RLF: variants seen among roughly 807,000 people sequenced by gnomAD.
RLF encodes RLF zinc finger, also known as zinc finger protein Rlf.
A neutral mutation model predicts 162.9 loss-of-function variants in RLF; 7 were observed. That is an observed-to-expected ratio of 0.04 (90% CI 0.02 to 0.08). RLF has a LOEUF of 0.08. Ranked by LOEUF, RLF falls within the 10% of genes least tolerant of loss-of-function variation. The probability of loss-of-function intolerance (pLI) is 1.00; values close to 1 mark genes in which losing one functional copy is unlikely to be tolerated. For synonymous variants in RLF, 782 were observed against 791.5 expected (o/e 0.99, Z 0.20); for missense variants, 1,664 against 2,244.7 (o/e 0.74, Z 5.23).
chr1:40,188,932 G>A, intron 1 of RLF, 123 bp from the exon 2 acceptor site: 1 of 544,372 alleles, frequency 1.8e-6, no homozygotes. Flanking sequence ...AGCCTTAAAA[G>A]GCAAATAAAA....
At chr1:40,224,334 A>T (rs1198106598) in intron 6 of RLF, among the ~76,000 whole-genome samples, 5 of 146,836 alleles carry the variant, frequency 3.4e-5, no homozygotes, top group Non-Finnish European at 6.0e-5. Flanking sequence ...TTTGAGACGA[A>T]GTCTTGCTCT....
chr1:40,162,634 G>A (rs772595301), intron 1 of RLF, among the ~76,000 whole-genome samples: 10 of 152,116 alleles, frequency 6.6e-5, no homozygotes, highest in Non-Finnish European at 1.3e-4. Flanking sequence ...ATTTTGGGGG[G>A]CAATTTGCTC....
chr1:40,166,012 A>C (rs1298480866), intron 1 of RLF, among the ~76,000 whole-genome samples: 1 of 152,174 alleles, frequency 6.6e-6, no homozygotes. Flanking sequence ...ATGGTCTTTC[A>C]GCTTTTTCTG....
chr1:40,222,859 TATC>T (rs1643017150), intron 6 of RLF, 149 bp downstream of exon 6: 1 of 648,030 alleles, frequency 1.5e-6, no homozygotes, highest in Non-Finnish European at 2.5e-6. Context: ...TAATTAAAAA[TATC>T]ATTGGTTTAA....
intron 1 of RLF, among the ~76,000 whole-genome samples, chr1:40,185,015 C>A (rs1479102875): frequency 6.6e-6 from 1 of 151,992 alleles, no homozygotes; most frequent in Non-Finnish European, 1.5e-5. Flanking sequence ...GGTGGGAGGA[C>A]CACTTGAGGC....
intron 5 of RLF, among the ~76,000 whole-genome samples, chr1:40,204,192 A>AT (rs1349215163): frequency 6.6e-6 from 1 of 151,386 alleles, no homozygotes; most frequent in Non-Finnish European, 1.5e-5. Flanking sequence ...ATTTTTTTGT[A>AT]TTTTTGTAGA....
intron 5 of RLF, among the ~76,000 whole-genome samples, chr1:40,214,918 C>CAAAAAAAAAAAAAAAA (rs34756935): frequency 6.9e-5 from 1 of 14,394 alleles, no homozygotes; most frequent in East Asian, 2.7e-3. Flanking sequence ...GAGCCTGTCT[C>CAAAAAAAAAAAAAAAA]AAAAAAAAAA....
In RLF at chr1:40,221,046, C is replaced by T. The variant is rs545354550; in HGVS notation, c.811-1528C>T. ...CCTTGAGAAACTGAGGCAGGAGGATCGCTTGAGCCCAGAAGTATGGAAACT... is the reference window on the plus strand; with the variant it reads ...CCTTGAGAAACTGAGGCAGGAGGATTGCTTGAGCCCAGAAGTATGGAAACT... On this transcript the variant is annotated intron_variant, in intron 5 of 7. Coordinates refer to ENST00000372771, the MANE Select transcript of RLF (RefSeq NM_012421.4). Among the ~76,000 whole-genome samples, 7 of 150,986 alleles carry T rather than the reference C, an allele frequency of 4.6e-5. No individual in the cohort carries two copies. The South Asian group carries it at 6.3e-4, about 14-fold the overall frequency.
At position 40,161,473 on chromosome 1, in the gene RLF, G is replaced by A. The variant is rs1295865757; in HGVS notation, c.74G>A (p.Gly25Glu). ...GAEAPAVAGA[G>E]DGVETESMVR... ...GAGGCTCCGGCGGTAGCGGGAGCCGGAGATGGAGTCGAGACTGAGTCCATG... is the reference window on the plus strand; with the variant it reads ...GAGGCTCCGGCGGTAGCGGGAGCCGAAGATGGAGTCGAGACTGAGTCCATG... Residue 25 changes from glycine to glutamate, a missense_variant, in exon 1 of 8, where the codon GGA becomes GAA. This residue lies in a region of RLF where 134 missense variants were observed against 124.3 expected (regional missense o/e 1.08). Transcript: ENST00000372771. The surrounding 1 kb of genome is among the most constrained non-coding windows in gnomAD (Gnocchi z 4.4). 3 of 1,581,464 alleles carry A rather than the reference G, an allele frequency of 1.9e-6. No homozygotes were observed. In the South Asian group the frequency reaches 3.4e-5, roughly 18 times the overall value.
At chr1:40,225,158 A>G (rs1281224900) in intron 6 of RLF, among the ~76,000 whole-genome samples, 2 of 152,176 alleles carry the variant, frequency 1.3e-5, no homozygotes, top group African/African-American at 4.8e-5. Flanking sequence ...TTTAAATGTG[A>G]CAATAAAGTT....
intron 1 of RLF, among the ~76,000 whole-genome samples, chr1:40,163,933 G>A (rs1642131564): frequency 6.6e-6 from 1 of 152,114 alleles, no homozygotes; most frequent in Non-Finnish European, 1.5e-5. Context: ...ACCAGATAGA[G>A]AAAAAGTAAA....
intron 1 of RLF, among the ~76,000 whole-genome samples, chr1:40,178,635 T>TG (rs1453270101): frequency 1.2e-4 from 17 of 147,824 alleles, no homozygotes; most frequent in African/African-American, 3.5e-4. Flanking sequence ...TTTTTTTGTT[T>TG]TTTTTTTTTT....
chr1:40,213,516 T>A (rs1642888852), intron 5 of RLF, among the ~76,000 whole-genome samples: 1 of 152,226 alleles, frequency 6.6e-6, no homozygotes, highest in African/African-American at 2.4e-5. Context: ...CTCATGTTTT[T>A]AAAACTGGTC....
chr1:40,228,430 A>T lies in RLF; in HGVS notation c.948-3087A>T, dbSNP rs189755685. Among the ~76,000 whole-genome samples, 635 of 150,888 alleles carry T rather than the reference A, an allele frequency of 4.2e-3. 6 individuals carry two copies. Among genetic ancestry groups the T allele is most frequent in the African/African-American group, 0.015 (619 of 41,006 alleles). On this transcript the variant is annotated intron_variant, in intron 6 of 7. Transcript: ENST00000372771. Reference sequence around the variant, plus strand: ...GAAACCCCGTCTCTAAAAATACGAAAATTAGCTGGGCGTGGTGGTGGGTGC... The same window carrying T: ...GAAACCCCGTCTCTAAAAATACGAATATTAGCTGGGCGTGGTGGTGGGTGC...
chr1:40,186,371 A>G (rs1642480523), intron 1 of RLF, among the ~76,000 whole-genome samples: 1 of 152,224 alleles, frequency 6.6e-6, no homozygotes, highest in African/African-American at 2.4e-5. Context: ...AAGAGATCTC[A>G]CTACTTAATT....
chr1:40,195,850 G>A (rs1163744578), intron 4 of RLF, 86 bp downstream of exon 4: 1 of 1,202,544 alleles, frequency 8.3e-7, no homozygotes, highest in African/African-American at 1.5e-5. Flanking sequence ...AATTTAACTT[G>A]TGTATATATC....
At chr1:40,202,667 A>G (rs1642733602) in intron 5 of RLF, 53 bp downstream of exon 5, 1 of 1,046,716 alleles carries the variant, frequency 9.6e-7, no homozygotes, top group Non-Finnish European at 1.4e-6. Flanking sequence ...ATAGATTTAT[A>G]TATATATTGC....
intron 1 of RLF, among the ~76,000 whole-genome samples, chr1:40,166,423 T>G (rs1642166211): frequency 6.6e-6 from 1 of 152,122 alleles, no homozygotes; most frequent in African/African-American, 2.4e-5. Context: ...TCAACCATTG[T>G]GGAAGACAGT....
Position 40,194,602 on chromosome 1 carries a change from A to G in RLF, c.475-1030A>G, listed in dbSNP as rs1490589414. On this transcript the variant is annotated intron_variant, in intron 3 of 7. Coordinates refer to ENST00000372771, the MANE Select transcript of RLF (RefSeq NM_012421.4). ...CTCCATCTCCAAAAAAAAAAAACCA[A>G]CAAAACAAAAAAAATAAATCAGCCT... Among the ~76,000 whole-genome samples, 6 of 151,556 alleles carry G rather than the reference A, an allele frequency of 4.0e-5. No homozygotes were observed. In the East Asian group the frequency reaches 9.7e-4, roughly 24 times the overall value.
Sources: gnomAD v4.1 joint callset for allele counts (sites outside exome capture counted in the v4.1 genomes callset) on GRCh38, gnomAD v4.1.1 for gene constraint, gnomAD v4.1.1 regional missense constraint, Gnocchi (gnomAD v3.1) non-coding constraint, MANE v1.5 for transcripts, NCBI Gene and HGNC (gene_info 2026-07-23, HGNC 2026-07-21) for gene names.